Variants in SLC44A5 observed in about 807,000 individuals in gnomAD.
SLC44A5 encodes choline transporter-like protein 5.
Under a neutral mutation model 101.8 loss-of-function variants are expected in SLC44A5, and 57 were observed. That is an observed-to-expected ratio of 0.56 (90% confidence interval 0.45 to 0.70). The LOEUF (loss-of-function observed/expected upper bound fraction) is 0.70. Among genes scored for constraint, SLC44A5 ranks in the 30% least tolerant of loss-of-function variants. The probability of loss-of-function intolerance (pLI) is 0.00; values close to 1 mark genes in which losing one functional copy is unlikely to be tolerated. For synonymous variants in SLC44A5, 281 were observed against 290.9 expected (o/e 0.97, Z 0.35); for missense variants, 737 against 853.1 (o/e 0.86, Z 1.70).
chr1:75,698,933 C>T, the SLC44A5 span, among the ~76,000 whole-genome samples: 8 of 151,822 alleles, frequency 5.3e-5, no homozygotes, highest in Admixed American at 6.6e-5. Context: ...TGAAATGAAG[C>T]GAGAAGGGAA....
At chr1:75,420,739 C>CTT (rs2101557011) in intron 2 of SLC44A5, among the ~76,000 whole-genome samples, 1 of 152,150 alleles carries the variant, frequency 6.6e-6, no homozygotes, top group African/African-American at 2.4e-5. Context: ...ACATTATTTT[C>CTT]TTAATAATTA....
chr1:75,589,014 A>G (rs1017873121), intron 1 of SLC44A5, among the ~76,000 whole-genome samples: 4 of 152,212 alleles, frequency 2.6e-5, no homozygotes, highest in Non-Finnish European at 5.9e-5. Flanking sequence ...ATGAGTAAGC[A>G]AAGTGAAAAC....
intron 5 of SLC44A5, among the ~76,000 whole-genome samples, chr1:75,287,426 C>CTTT (rs371647505): frequency 0.25 from 17,654 of 69,720 alleles, 3,384 homozygotes; most frequent in East Asian, 0.59. Flanking sequence ...CTTCTGAATT[C>CTTT]TTTTTTTTTT....
At chr1:75,529,466 C>T (rs1670602128) in intron 2 of SLC44A5, among the ~76,000 whole-genome samples, 1 of 152,154 alleles carries the variant, frequency 6.6e-6, no homozygotes, top group Non-Finnish European at 1.5e-5. Flanking sequence ...GCCACCAAAA[C>T]CTTCCAGGTT....
At chr1:75,536,461 C>T (rs906451523) in intron 2 of SLC44A5, among the ~76,000 whole-genome samples, 7 of 150,840 alleles carry the variant, frequency 4.6e-5, no homozygotes, top group African/African-American at 1.5e-4. Flanking sequence ...ATTGGCTGGG[C>T]ATGGTGGCGG....
At chr1:75,552,102 T>A (rs923142890) in intron 1 of SLC44A5, among the ~76,000 whole-genome samples, 1 of 152,162 alleles carries the variant, frequency 6.6e-6, no homozygotes, top group African/African-American at 2.4e-5. Context: ...TATCTGAGAA[T>A]AATCGTATAT....
At chr1:75,500,359 G>A (rs1668892186) in intron 2 of SLC44A5, among the ~76,000 whole-genome samples, 1 of 152,120 alleles carries the variant, frequency 6.6e-6, no homozygotes, top group Non-Finnish European at 1.5e-5. Context: ...GGAGATTCTT[G>A]GCATGCAGTG....
chr1:75,681,510 A>G, the SLC44A5 span, among the ~76,000 whole-genome samples: 190 of 151,616 alleles, frequency 1.3e-3, no homozygotes, highest in African/African-American at 4.1e-3. Context: ...CAAAAACCAC[A>G]TGATTATCTC....
chr1:75,460,228 G>A (rs1388823507), intron 2 of SLC44A5, among the ~76,000 whole-genome samples: 2 of 152,134 alleles, frequency 1.3e-5, no homozygotes, highest in Non-Finnish European at 2.9e-5. Context: ...ATAATGAGAA[G>A]CCCTATTTTA....
the SLC44A5 span, among the ~76,000 whole-genome samples, chr1:75,644,972 C>T: frequency 3.9e-5 from 6 of 152,132 alleles, no homozygotes; most frequent in Non-Finnish European, 7.3e-5. Flanking sequence ...TTTTTAATGG[C>T]TGCATAGTAT....
intron 1 of SLC44A5, among the ~76,000 whole-genome samples, chr1:75,568,494 CT>C (rs141843563): frequency 6.6e-6 from 1 of 152,128 alleles, no homozygotes; most frequent in South Asian, 2.1e-4. Context: ...GGAAACAGGC[CT>C]TTTTTTCTTT....
the SLC44A5 span, among the ~76,000 whole-genome samples, chr1:75,634,651 C>T: frequency 1.3e-5 from 2 of 150,968 alleles, no homozygotes; most frequent in Non-Finnish European, 2.9e-5. Context: ...ACACCTTATA[C>T]AAAAATGAAT....
In SLC44A5 at chr1:75,582,200, G is replaced by A; in HGVS notation, c.-70+28840C>T. The A allele has an allele frequency of 1.0e-5, 10 of 957,964 alleles. No individual in the cohort carries two copies. The South Asian group carries it at 1.3e-4, about 13-fold the overall frequency. The allele number at this position is 957,964 out of a possible 1,614,324, so 59.3% of individuals were successfully genotyped here. A position where few individuals can be genotyped will look rare whatever the true frequency, so the allele number is the denominator to read the frequency against. ...AAAGATACGAATCTCTTAAGGGGTG[G>A]ACCCCAAGTTCCTGAGGAACATGCG... On this transcript the variant is annotated intron_variant, in intron 1 of 23. Coordinates refer to ENST00000370859, the MANE Select transcript of SLC44A5 (RefSeq NM_001130058.2).
intron 12 of SLC44A5, among the ~76,000 whole-genome samples, chr1:75,231,171 G>A (rs1047143595): frequency 6.6e-6 from 1 of 152,116 alleles, no homozygotes; most frequent in African/African-American, 2.4e-5. Flanking sequence ...TAGGATGCCA[G>A]ACTTACTCCA....
In SLC44A5 at chr1:75,222,327, C is replaced by G. The variant is rs1557541410; in HGVS notation, c.1085+34G>C. On this transcript the variant is annotated intron_variant, in intron 14 of 23. Coordinates refer to ENST00000370859, the MANE Select transcript of SLC44A5 (RefSeq NM_001130058.2). ...CAGTGACTGATTTTACTGACTGATA[C>G]ACTTTAGCTGAGTTTCTACATTAAG... The G allele has an allele frequency of 4.8e-6, 7 of 1,463,168 alleles. No individual in the cohort carries two copies. The East Asian group carries it at 1.1e-4, about 24-fold the overall frequency. The allele number at this position is 1,463,168 out of a possible 1,614,324, so 90.6% of individuals were successfully genotyped here.
chr1:75,497,325 C>T (rs1400910893), intron 2 of SLC44A5, among the ~76,000 whole-genome samples: 1 of 151,962 alleles, frequency 6.6e-6, no homozygotes, highest in Non-Finnish European at 1.5e-5. Context: ...GAAATCCTGC[C>T]ATTTGTTACA....
At chr1:75,501,467 A>G (rs1307946985) in intron 2 of SLC44A5, among the ~76,000 whole-genome samples, 3 of 152,210 alleles carry the variant, frequency 2.0e-5, no homozygotes, top group African/African-American at 7.2e-5. Context: ...AGATCTTGCT[A>G]CTTTTTCAAG....
At chr1:75,287,024 C>T (rs546203364) in intron 5 of SLC44A5, among the ~76,000 whole-genome samples, 5 of 152,098 alleles carry the variant, frequency 3.3e-5, no homozygotes, top group Non-Finnish European at 7.4e-5. Context: ...CGATTAGTCC[C>T]TCAAATATGT....
At chr1:75,365,296 T>A (rs1659778795) in intron 3 of SLC44A5, among the ~76,000 whole-genome samples, 1 of 152,172 alleles carries the variant, frequency 6.6e-6, no homozygotes, top group Non-Finnish European at 1.5e-5. Context: ...CCATTAGTTA[T>A]TTTTCCTGAT....
Sources: gnomAD v4.1 joint callset for allele counts (sites outside exome capture counted in the v4.1 genomes callset) on GRCh38, gnomAD v4.1.1 for gene constraint, MANE v1.5 for transcripts, NCBI Gene and HGNC (gene_info 2026-07-23, HGNC 2026-07-21) for gene names.